WDR5: variants seen among roughly 807,000 people sequenced by gnomAD.
WDR5 encodes the protein WD repeat-containing protein 5.
For synonymous variants in WDR5, 144 were observed against 161.6 expected, an observed-to-expected ratio of 0.89 and a Z score of 0.83; for missense variants, 187 against 416.9, an observed-to-expected ratio of 0.45 and a Z score of 4.80.
chr9:134,139,710 A>T, intron 1 of WDR5, 110 bp from the exon 2 acceptor site: 1 of 684,158 alleles, frequency 1.5e-6, no homozygotes, highest in African/African-American at 1.8e-5. Flanking sequence ...TGTTTGCTAC[A>T]GGGCTCAATA....
intron 7 of WDR5, among the ~76,000 whole-genome samples, chr9:134,143,325 G>T (rs977847172): frequency 8.5e-5 from 13 of 152,178 alleles, no homozygotes; most frequent in African/African-American, 3.1e-4. Context: ...TGGATCACTT[G>T]AGGTCAGAAG....
rs370610681 is a variant in WDR5 at position 134,154,453 on chromosome 9, G to A, written c.632-13G>A. ...AGCGCCCGCCGTGTGTCACCTGTCC[G>A]TTTTTATTGCAGATGACGACAACCC... On this transcript the variant is annotated splice_polypyrimidine_tract_variant and intron_variant, in intron 9 of 13. Coordinates refer to ENST00000358625, the MANE Select transcript of WDR5 (RefSeq NM_017588.3). 91 of 1,614,012 alleles carry A rather than the reference G, an allele frequency of 5.6e-5. No homozygotes were observed. The highest frequency in any genetic ancestry group is 3.8e-4 in the East Asian group (17 of 44,888).
chr9:134,153,115 A>C (rs370007238), intron 9 of WDR5, among the ~76,000 whole-genome samples: 2 of 152,178 alleles, frequency 1.3e-5, no homozygotes, highest in South Asian at 2.1e-4. Context: ...ATCTCTCCTG[A>C]TTGAGATCAC....
intron 9 of WDR5, 100 bp downstream of exon 9, chr9:134,152,129 C>T: frequency 1.4e-6 from 2 of 1,396,520 alleles, no homozygotes; most frequent in South Asian, 1.3e-5. Context: ...CTCCTCTGCC[C>T]TGGGTCCGCC....
intron 13 of WDR5, among the ~76,000 whole-genome samples, chr9:134,156,838 G>T (rs1427216549): frequency 6.6e-6 from 1 of 152,226 alleles, no homozygotes; most frequent in Non-Finnish European, 1.5e-5. Context: ...CAGGCATGCT[G>T]GTCCGGAAGG....
At chr9:134,144,869 A>G (rs752954927) in intron 7 of WDR5, among the ~76,000 whole-genome samples, 1 of 152,086 alleles carries the variant, frequency 6.6e-6, no homozygotes, top group South Asian at 2.1e-4. Flanking sequence ...AAATGTAGGA[A>G]GTAGAAAATG....
At chr9:134,137,284 C>A (rs1219826618) in intron 1 of WDR5, among the ~76,000 whole-genome samples, 3 of 152,158 alleles carry the variant, frequency 2.0e-5, no homozygotes, top group South Asian at 2.1e-4. Context: ...GCCAATTCAT[C>A]ACCGTTCCCG....
intron 1 of WDR5, among the ~76,000 whole-genome samples, chr9:134,136,454 C>T (rs1197238431): frequency 6.6e-6 from 1 of 151,956 alleles, no homozygotes; most frequent in Non-Finnish European, 1.5e-5. Context: ...CCCGGCGGAC[C>T]GCTGACAAGG....
chr9:134,149,462 A>G (rs35924689), intron 8 of WDR5, among the ~76,000 whole-genome samples: 1,658 of 152,314 alleles, frequency 0.011, 19 homozygotes, highest in Middle Eastern at 0.024. Context: ...CCAGCTTATT[A>G]TAAAGGATAC....
chr9:134,146,828 C>T (rs1832230398), intron 7 of WDR5, among the ~76,000 whole-genome samples: 1 of 152,240 alleles, frequency 6.6e-6, no homozygotes, highest in African/African-American at 2.4e-5. Context: ...TTAGATGGAT[C>T]ACTGTGAGTT....
chr9:134,147,521 C>T (rs527579802), intron 7 of WDR5, among the ~76,000 whole-genome samples: 16 of 152,166 alleles, frequency 1.1e-4, no homozygotes, highest in African/African-American at 3.4e-4. Flanking sequence ...CCACCCTGTC[C>T]CCCCCGGAAG....
chr9:134,148,315 A>G lies in WDR5; in HGVS notation c.556A>G (p.Ile186Val). The stretch of plus-strand genomic sequence containing the variant: ...TCATTTTAATCGTGATGGATCCTTG[A>G]TAGTTTCAAGTAGCTATGATGGTCT... ...AVHFNRDGSL[I>V]VSSSYDGLCR... Residue 186 changes from isoleucine (I) to valine (V), a missense_variant, in exon 8 of 14, where the codon ATA becomes GTA. Coordinates refer to ENST00000358625, the MANE Select transcript of WDR5 (RefSeq NM_017588.3). 1.2e-6 allele frequency: 2 copies of G among 1,601,268 alleles called. No individual in the cohort carries two copies. Among genetic ancestry groups the G allele is most frequent in the Non-Finnish European group, 1.7e-6 (2 of 1,174,634 alleles).
intron 7 of WDR5, among the ~76,000 whole-genome samples, chr9:134,147,884 G>A (rs567094566): frequency 6.6e-6 from 1 of 151,706 alleles, no homozygotes; most frequent in Admixed American, 6.6e-5. Flanking sequence ...GGGTGGGCGC[G>A]GTGCCTCACA....
In WDR5 at chr9:134,157,879, G is replaced by A; in HGVS notation, c.905-14G>A. 1 of 1,613,750 alleles carries A rather than the reference G, an allele frequency of 6.2e-7. No homozygotes were observed. Among genetic ancestry groups the A allele is most frequent in the Non-Finnish European group, 8.5e-7 (1 of 1,179,664 alleles). ...CAGGGATGGCTCTGGTTCTGACTGTGTCTTTGTTTTCAGATGTCGTGATCT... is the reference window on the plus strand; with the variant it reads ...CAGGGATGGCTCTGGTTCTGACTGTATCTTTGTTTTCAGATGTCGTGATCT... On this transcript the variant is annotated splice_polypyrimidine_tract_variant and intron_variant, in intron 13 of 13. Coordinates refer to ENST00000358625, the MANE Select transcript of WDR5 (RefSeq NM_017588.3). The surrounding 1 kb of genome is among the most constrained non-coding windows in gnomAD (Gnocchi z 5.0).
Position 134,140,936 on chromosome 9 carries a change from C to T in WDR5, c.190+125C>T, listed in dbSNP as rs545220981. 25 of 860,790 alleles carry T rather than the reference C, an allele frequency of 2.9e-5. 1 individual carries two copies. Among genetic ancestry groups the T allele is most frequent in the Admixed American group, 2.2e-4 (11 of 48,914 alleles). The allele number at this position is 860,790 out of a possible 1,614,324, so 53.3% of individuals were successfully genotyped here. On this transcript the variant is annotated intron_variant, in intron 3 of 13. Coordinates refer to ENST00000358625, the MANE Select transcript of WDR5 (RefSeq NM_017588.3). Reference sequence around the variant, plus strand: ...AGACGTAGCAGGCCGCTGGGGGGCACGTAGCAGGCGGGTGTGTCTCCTCCT... The same window carrying T: ...AGACGTAGCAGGCCGCTGGGGGGCATGTAGCAGGCGGGTGTGTCTCCTCCT...
chr9:134,139,033 T>C (rs1831733057), intron 1 of WDR5, among the ~76,000 whole-genome samples: 1 of 152,242 alleles, frequency 6.6e-6, no homozygotes, highest in Non-Finnish European at 1.5e-5. Flanking sequence ...TTTGGGATAA[T>C]TTTCATTGTC....
intron 7 of WDR5, among the ~76,000 whole-genome samples, chr9:134,146,866 C>G (rs1429395210): frequency 6.6e-6 from 1 of 152,190 alleles, no homozygotes; most frequent in Non-Finnish European, 1.5e-5. Context: ...GGCTGCCGGC[C>G]AGATGGTTGC....
intron 3 of WDR5, among the ~76,000 whole-genome samples, chr9:134,141,055 A>G (rs1831862140): frequency 6.6e-6 from 1 of 152,158 alleles, no homozygotes; most frequent in Non-Finnish European, 1.5e-5. Flanking sequence ...AGGCAGAGGC[A>G]GGCGGATCAC....
At chr9:134,146,934 C>G (rs1832238611) in intron 7 of WDR5, among the ~76,000 whole-genome samples, 2 of 152,228 alleles carry the variant, frequency 1.3e-5, no homozygotes, top group Non-Finnish European at 2.9e-5. Flanking sequence ...GTACTCACCC[C>G]TCTGTGTCTG....
Sources: allele counts gnomAD v4.1 joint callset (sites outside exome capture counted in the v4.1 genomes callset), GRCh38; gene constraint gnomAD v4.1.1; non-coding constraint Gnocchi (gnomAD v3.1); transcripts MANE v1.5; gene names NCBI Gene and HGNC (gene_info 2026-07-23, HGNC 2026-07-21).